The following GABRR3 variants were observed in gnomAD, a reference collection of about 807,000 sequenced individuals.
The protein encoded by GABRR3 is gamma-aminobutyric acid type A receptor subunit rho3.
Under a neutral mutation model 43.2 loss-of-function variants are expected in GABRR3, and 29 were observed. The ratio of observed to expected loss-of-function variants is 0.67; its 90% CI spans 0.50 to 0.92. The LOEUF (loss-of-function observed/expected upper bound fraction) is 0.92, where lower values mean the gene tolerates loss of function less well. GABRR3 is among the 40% of genes least tolerant of loss of function. The probability of loss-of-function intolerance (pLI) is 0.00; values close to 1 mark genes in which losing one functional copy is unlikely to be tolerated. For missense variants in GABRR3, 576 were observed against 572.3 expected (o/e 1.01, Z -0.07); for synonymous variants, 206 against 195.9 (o/e 1.05, Z -0.43).
At chr3:97,990,595 C>T (rs1445181630) in intron 9 of GABRR3, among the ~76,000 whole-genome samples, 5 of 151,954 alleles carry the variant, frequency 3.3e-5, no homozygotes, top group Non-Finnish European at 4.4e-5. Flanking sequence ...AATCCGCCTG[C>T]CTTGGCCTCC....
chr3:98,012,659 G>T (rs1391852618), intron 4 of GABRR3, 92 bp from the exon 5 acceptor site: 1 of 814,352 alleles, frequency 1.2e-6, no homozygotes, highest in Non-Finnish European at 2.0e-6. Context: ...TCATTCCTAT[G>T]GTGTTAATGA....
In GABRR3 at chr3:98,027,142, A is replaced by T. The variant is rs558564924; in HGVS notation, c.126-1463T>A. Among the ~76,000 whole-genome samples, 167 of 150,768 alleles carry T rather than the reference A, an allele frequency of 1.1e-3. 1 individual carries two copies. Among genetic ancestry groups the T allele is most frequent in the African/African-American group, 3.8e-3 (153 of 40,706 alleles). ...AAGGAGCTAGAATGAACTATTTATTAAAAAAAAATAGCAGCTAGCTTTTAT... is the reference window on the plus strand; with the variant it reads ...AAGGAGCTAGAATGAACTATTTATTTAAAAAAAATAGCAGCTAGCTTTTAT... On this transcript the variant is annotated intron_variant, in intron 2 of 9. Coordinates refer to ENST00000621172, the Ensembl canonical transcript of GABRR3.
chr3:98,023,014 G>A (rs1706970216), intron 3 of GABRR3, among the ~76,000 whole-genome samples: 1 of 152,106 alleles, frequency 6.6e-6, no homozygotes, highest in South Asian at 2.1e-4. Context: ...AGAGAGGAGA[G>A]TTGGCTCTCC....
chr3:97,986,994 C>CA lies in GABRR3; in HGVS notation c.1105-13_1105-12insT. 6.5e-7 allele frequency: 1 copy of CA among 1,529,800 alleles called. No individual in the cohort carries two copies. Among genetic ancestry groups the CA allele is most frequent in the Non-Finnish European group, 8.8e-7 (1 of 1,141,472 alleles). 94.8% of individuals were successfully genotyped at this position (1,529,800 alleles called of 1,614,324 possible). A position where few individuals can be genotyped will look rare whatever the true frequency, so the allele number is the denominator to read the frequency against. On this transcript the variant is annotated splice_polypyrimidine_tract_variant and intron_variant, in intron 9 of 9. Transcript: ENST00000621172. ...TACATCCTAGAAATCTGTCAAAAAA[C>CA]TTTTTTTTAAAGTAGGTCTTGAATA... is the stretch of plus-strand genomic sequence containing the variant.
At chr3:98,019,353 G>A (rs1429457341) in intron 3 of GABRR3, among the ~76,000 whole-genome samples, 1 of 151,976 alleles carries the variant, frequency 6.6e-6, no homozygotes, top group Non-Finnish European at 1.5e-5. Flanking sequence ...TTCTGTGACT[G>A]CCCCAGGAAT....
At chr3:98,022,360 A>T (rs930275551) in intron 3 of GABRR3, among the ~76,000 whole-genome samples, 7 of 152,268 alleles carry the variant, frequency 4.6e-5, no homozygotes, top group African/African-American at 1.7e-4. Context: ...AGTAAAAAAC[A>T]CTGCAGTAGC....
intron 3 of GABRR3, among the ~76,000 whole-genome samples, chr3:98,020,963 G>A (rs1471628585): frequency 6.6e-6 from 1 of 150,542 alleles, no homozygotes; most frequent in Non-Finnish European, 1.5e-5. Flanking sequence ...CTGGGTTCAA[G>A]CGATTCTCTG....
intron 3 of GABRR3, among the ~76,000 whole-genome samples, chr3:98,022,687 G>A (rs1350162456): frequency 1.3e-5 from 2 of 151,966 alleles, no homozygotes; most frequent in Non-Finnish European, 2.9e-5. Flanking sequence ...AGATTTTTCG[G>A]CTCAAACTGA....
rs1474223468 is a variant in GABRR3 at position 97,999,449 on chromosome 3, A to G, written c.907+2166T>C. 4 of 152,132 alleles carry G rather than the reference A, an allele frequency of 2.6e-5. No homozygotes were observed. In the South Asian group the frequency reaches 6.2e-4, roughly 24 times the overall value. The allele number at this position is 152,132 out of a possible 1,614,324, so 9.4% of individuals were successfully genotyped here. A position where few individuals can be genotyped will look rare whatever the true frequency, so the allele number is the denominator to read the frequency against. On this transcript the variant is annotated intron_variant, in intron 8 of 9. Coordinates refer to ENST00000621172, the Ensembl canonical transcript of GABRR3. ...CTTGTAGTATCTGAAGGTGAAGTCC[A>G]GTATACAACTGAAAGTACCCAAATG...
intron 2 of GABRR3, among the ~76,000 whole-genome samples, chr3:98,029,712 T>A (rs946727271): frequency 3.3e-5 from 5 of 152,148 alleles, no homozygotes; most frequent in African/African-American, 1.2e-4. Context: ...AATTTAAAAG[T>A]ATTTAATTGA....
intron 8 of GABRR3, among the ~76,000 whole-genome samples, chr3:97,993,433 C>T (rs1706497536): frequency 6.6e-6 from 1 of 152,152 alleles, no homozygotes; most frequent in African/African-American, 2.4e-5. Flanking sequence ...CATTCTTTCA[C>T]AATTTTTACT....
At chr3:97,989,201 G>A (rs1160224348) in intron 9 of GABRR3, among the ~76,000 whole-genome samples, 4 of 151,400 alleles carry the variant, frequency 2.6e-5, no homozygotes, top group Admixed American at 1.3e-4. Flanking sequence ...GTTAGTGGAT[G>A]GTGGTGGTGT....
chr3:97,986,781 T>G, exon 10 of GABRR3: 1 of 1,609,982 alleles, frequency 6.2e-7, no homozygotes, highest in Admixed American at 1.7e-5. Context: ...TTTTCCAGAA[T>G]GATTCTACCA....
intron 9 of GABRR3, among the ~76,000 whole-genome samples, chr3:97,991,546 A>G (rs1194591019): frequency 6.6e-6 from 1 of 152,248 alleles, no homozygotes; most frequent in Non-Finnish European, 1.5e-5. Context: ...AGAAAACAAA[A>G]TCAGCTCTTA....
chr3:98,029,206 G>C (rs1707057257), intron 2 of GABRR3, among the ~76,000 whole-genome samples: 1 of 152,146 alleles, frequency 6.6e-6, no homozygotes, highest in Non-Finnish European at 1.5e-5. Flanking sequence ...AAAGTATTAT[G>C]AAGATTGAGA....
At chr3:98,001,360 C>T in intron 8 of GABRR3, 1 of 444,486 alleles carries the variant, frequency 2.2e-6, no homozygotes, top group Non-Finnish European at 4.1e-6. Flanking sequence ...ATAATTTCAC[C>T]CCCTTTCTTT....
At chr3:98,005,122 A>G (rs900159246) in intron 7 of GABRR3, among the ~76,000 whole-genome samples, 25 of 152,004 alleles carry the variant, frequency 1.6e-4, no homozygotes, top group African/African-American at 5.3e-4. Context: ...CATTAAAAAA[A>G]ATGGGTATAT....
chr3:98,003,588 T>C (rs1706683373), intron 7 of GABRR3, among the ~76,000 whole-genome samples: 1 of 152,026 alleles, frequency 6.6e-6, no homozygotes, highest in Admixed American at 6.6e-5. Flanking sequence ...TTGTGAAGCC[T>C]TCATTTTGGG....
intron 9 of GABRR3, among the ~76,000 whole-genome samples, chr3:97,991,004 A>G (rs935817889): frequency 6.6e-6 from 1 of 152,244 alleles, no homozygotes; most frequent in Non-Finnish European, 1.5e-5. Context: ...TTACCTGAAA[A>G]GAAGTTCTGC....
Sources: gnomAD v4.1 joint callset for allele counts (sites outside exome capture counted in the v4.1 genomes callset) on GRCh38, gnomAD v4.1.1 for gene constraint, MANE v1.5 for transcripts, NCBI Gene and HGNC (gene_info 2026-07-23, HGNC 2026-07-21) for gene names.